Variants in QTRT2 observed in about 807,000 individuals in gnomAD.
QTRT2 encodes queuine tRNA-ribosyltransferase domain containing 1.
QTRT2 carries 32 observed loss-of-function variants against 44.8 expected under a neutral mutation model. The observed-to-expected ratio is 0.71, with a 90% CI of 0.54 to 0.96. The LOEUF is 0.96. Ranked by LOEUF, QTRT2 falls within the 40% of genes least tolerant of loss-of-function variation. The pLI, the probability that QTRT2 is intolerant of heterozygous loss-of-function variation, is 0.00. For synonymous variants in QTRT2, 182 were observed against 187.4 expected (o/e 0.97, Z 0.24); for missense variants, 461 against 503.1 (o/e 0.92, Z 0.80).
At chr3:114,059,121 G>A (rs1247082956) in intron 2 of QTRT2, among the ~76,000 whole-genome samples, 1 of 152,212 alleles carries the variant, frequency 6.6e-6, no homozygotes, top group African/African-American at 2.4e-5. Flanking sequence ...GAGTGGAGGT[G>A]GTGGGTCGCA....
chr3:114,083,054 T>C (rs2077187427), intron 9 of QTRT2: 1 of 427,608 alleles, frequency 2.3e-6, no homozygotes, highest in Non-Finnish European at 4.4e-6. Flanking sequence ...AAATCCATTG[T>C]TTGGCGTCTT....
At position 114,070,622 on chromosome 3, in the gene QTRT2, G is replaced by A. The variant is rs1477859424; in HGVS notation, c.334-4G>A. The A allele has an allele frequency of 1.2e-6, 2 of 1,612,502 alleles. No individual in the cohort carries two copies. The highest frequency in any genetic ancestry group is 3.3e-5 in the Admixed American group (2 of 59,972). On this transcript the variant is annotated splice_region_variant and splice_polypyrimidine_tract_variant and intron_variant, in intron 5 of 9. Transcript: ENST00000281273. ...TAATTCCTCATCATTTTGCTCCATG[G>A]CAGTCTGTGTCTGTGTGGAGTGTTG...
In QTRT2 at chr3:114,068,024, T is replaced by C; in HGVS notation, c.294T>C (p.Asp98=). The C allele has an allele frequency of 6.2e-7, 1 of 1,613,908 alleles. No homozygotes were observed. The highest frequency in any genetic ancestry group is 8.5e-7 in the Non-Finnish European group (1 of 1,179,850). Residue 98 remains aspartate, a synonymous_variant, in exon 5 of 10, where the codon GAT becomes GAC. Transcript: ENST00000281273. ...CACTCTTGTACTGCTCCCTGCACGA[T>C]CCAGTCAGCCCCTGCCCGGCTGGTT... ...PESLLYCSLH[D]PVSPCPAGYV...
chr3:114,061,992 G>A (rs1287067536), intron 2 of QTRT2, among the ~76,000 whole-genome samples: 1 of 147,672 alleles, frequency 6.8e-6, no homozygotes, highest in Non-Finnish European at 1.5e-5. Context: ...CAGTGGCCAT[G>A]GTATGCTGCA....
rs544253323 is a variant in QTRT2, at chr3:114,070,976, C to T, written c.546+138C>T. 10 of 659,034 alleles carry T rather than the reference C, an allele frequency of 1.5e-5. No homozygotes were observed. In the East Asian group the frequency reaches 2.2e-4, roughly 15 times the overall value. 40.8% of individuals were successfully genotyped at this position (659,034 alleles called of 1,614,324 possible). On this transcript the variant is annotated intron_variant, in intron 6 of 9. Coordinates refer to ENST00000281273, the MANE Select transcript of QTRT2 (RefSeq NM_024638.4). ...CTATTTTACTCTCTATTTTTATTTT[C>T]TTTTTGAACCTTAAGTATTATTGTT...
At chr3:114,071,441 G>A (rs1428402316) in intron 6 of QTRT2, among the ~76,000 whole-genome samples, 3 of 152,048 alleles carry the variant, frequency 2.0e-5, no homozygotes, top group Non-Finnish European at 2.9e-5. Flanking sequence ...TGATATTACA[G>A]GCATGCACCA....
chr3:114,056,865 G>A lies in QTRT2; in HGVS notation c.-130+1G>A. On this transcript the variant is annotated splice_donor_variant, in intron 1 of 9. Coordinates refer to ENST00000281273, the MANE Select transcript of QTRT2 (RefSeq NM_024638.4). LOFTEE classifies it low-confidence loss of function (5UTR_SPLICE). The stretch of plus-strand genomic sequence containing the variant: ...AAAGAGTCGAATGGTTTGTTGGCAG[G>A]TAAGTGCCCCTTTGCCCTGCTGGTG... 1.3e-6 allele frequency: 2 copies of A among 1,535,980 alleles called. No individual in the cohort carries two copies. Among genetic ancestry groups the A allele is most frequent in the South Asian group, 2.4e-5 (2 of 84,006 alleles).
intron 2 of QTRT2, among the ~76,000 whole-genome samples, chr3:114,060,530 AGAT>A (rs1358346696): frequency 4.2e-5 from 6 of 143,050 alleles, no homozygotes; most frequent in African/African-American, 1.3e-4. Context: ...ATAGATAGAT[AGAT>A]AGATAGATAG....
At chr3:114,076,015 T>C (rs564497434) in intron 6 of QTRT2, among the ~76,000 whole-genome samples, 2 of 152,318 alleles carry the variant, frequency 1.3e-5, no homozygotes, top group East Asian at 1.9e-4. Context: ...TGTGAGTAGA[T>C]AGTCAGTTGT....
intron 4 of QTRT2, 124 bp from the exon 5 acceptor site, chr3:114,067,863 A>C (rs1274689050): frequency 1.4e-6 from 1 of 712,162 alleles, no homozygotes. Context: ...GTTCAGATAC[A>C]ACCTATTGAC....
intron 3 of QTRT2, among the ~76,000 whole-genome samples, chr3:114,066,000 T>A (rs975461834): frequency 6.6e-6 from 1 of 151,978 alleles, no homozygotes; most frequent in Admixed American, 6.5e-5. Flanking sequence ...TCTGAAGGAG[T>A]TGATCTTTGC....
At chr3:114,069,746 T>C (rs2077000426) in intron 5 of QTRT2, among the ~76,000 whole-genome samples, 1 of 152,210 alleles carries the variant, frequency 6.6e-6, no homozygotes, top group Non-Finnish European at 1.5e-5. Flanking sequence ...TTTATATTGC[T>C]CTGGGTATAT....
chr3:114,070,587 T>C (rs1282662906), intron 5 of QTRT2, 39 bp from the exon 6 acceptor site: 2 of 1,526,880 alleles, frequency 1.3e-6, no homozygotes, highest in Admixed American at 1.7e-5. Flanking sequence ...TATTTGCATT[T>C]TACTCTTGCT....
chr3:114,074,407 A>C (rs1186643853), intron 6 of QTRT2, among the ~76,000 whole-genome samples: 4 of 152,212 alleles, frequency 2.6e-5, no homozygotes, highest in African/African-American at 9.7e-5. Context: ...TGGACAACTA[A>C]TCAGTCAAGT....
chr3:114,079,682 C>A (rs2077139895), intron 7 of QTRT2: 1 of 395,192 alleles, frequency 2.5e-6, no homozygotes. Context: ...CAAAGTGACA[C>A]AGCAGATACA....
chr3:114,070,543 AATT>A (rs2077011014), intron 5 of QTRT2, 80 bp from the exon 6 acceptor site: 1 of 1,208,528 alleles, frequency 8.3e-7, no homozygotes, highest in African/African-American at 1.5e-5. Flanking sequence ...TGTAAAGAAG[AATT>A]ATTGCTTTAT....
At chr3:114,074,288 T>C (rs1264595741) in intron 6 of QTRT2, among the ~76,000 whole-genome samples, 1 of 152,212 alleles carries the variant, frequency 6.6e-6, no homozygotes, top group African/African-American at 2.4e-5. Context: ...TCATCTTGCT[T>C]CATCCACTGT....
At chr3:114,081,374 G>A (rs1443062840) in intron 8 of QTRT2, among the ~76,000 whole-genome samples, 1 of 152,134 alleles carries the variant, frequency 6.6e-6, no homozygotes, top group East Asian at 1.9e-4. Context: ...TTCAGAAATA[G>A]GGTCTCACTC....
intron 2 of QTRT2, among the ~76,000 whole-genome samples, chr3:114,063,576 T>C (rs1172199079): frequency 6.6e-6 from 1 of 152,134 alleles, no homozygotes; most frequent in African/African-American, 2.4e-5. Flanking sequence ...TGTATGTTTC[T>C]ATCTTAGTGA....
Sources: gnomAD v4.1 joint callset for allele counts (sites outside exome capture counted in the v4.1 genomes callset) on GRCh38, gnomAD v4.1.1 for gene constraint, MANE v1.5 for transcripts, NCBI Gene and HGNC (gene_info 2026-07-23, HGNC 2026-07-21) for gene names.